The following AHRR variants were observed in gnomAD, a reference collection of about 807,000 sequenced individuals.
AHRR encodes ahR repressor.
Under a neutral mutation model 44.0 loss-of-function variants are expected in AHRR, and 28 were observed. The observed-to-expected ratio is 0.64, with a 90% CI of 0.47 to 0.87. The LOEUF (loss-of-function observed/expected upper bound fraction) is 0.87. AHRR is among the 40% of genes least tolerant of loss of function. The probability of loss-of-function intolerance (pLI) is 0.00; values close to 1 mark genes in which losing one functional copy is unlikely to be tolerated. For missense variants in AHRR, 990 were observed against 953.9 expected (o/e 1.04, Z -0.50); for synonymous variants, 434 against 407.0 (o/e 1.07, Z -0.80).
chr5:386,760 C>A (rs571705548), intron 4 of AHRR, among the ~76,000 whole-genome samples: 1 of 152,276 alleles, frequency 6.6e-6, no homozygotes, highest in South Asian at 2.1e-4. Context: ...CTAACCCAGA[C>A]GTCATCCCGG....
At position 338,212 on chromosome 5, in the gene AHRR, A is replaced by G. The variant is rs1437917508; in HGVS notation, c.-10-5681A>G. Among the ~76,000 whole-genome samples, 1 of 152,206 alleles carries G rather than the reference A, an allele frequency of 6.6e-6. No homozygotes were observed. The highest frequency in any genetic ancestry group is 1.5e-5 in the Non-Finnish European group (1 of 68,040). Reference sequence around the variant, plus strand: ...AAAGATATCTAAGCAATAAGAACAAATTATGCATATTTCACCCTCTAGTAG... The same window carrying G: ...AAAGATATCTAAGCAATAAGAACAAGTTATGCATATTTCACCCTCTAGTAG... On this transcript the variant is annotated intron_variant, in intron 1 of 10. Transcript: ENST00000684583. This position sits in a 1 kb window ranked among gnomAD's most constrained non-coding sequence, Gnocchi z 4.1.
At chr5:325,938 A>G (rs1290096673) in intron 1 of AHRR, among the ~76,000 whole-genome samples, 2 of 151,932 alleles carry the variant, frequency 1.3e-5, no homozygotes, top group Non-Finnish European at 2.9e-5. Flanking sequence ...ACCAGCCACC[A>G]CGCCTGGCTA....
intron 7 of AHRR, chr5:427,587 G>A (rs1337832467): frequency 6.2e-7 from 1 of 1,606,000 alleles, no homozygotes; most frequent in Non-Finnish European, 8.5e-7. Context: ...GAGAAACTGG[G>A]AGTGGGGGAT....
intron 5 of AHRR, among the ~76,000 whole-genome samples, chr5:421,988 G>A (rs1202710066): frequency 2.0e-5 from 3 of 152,220 alleles, no homozygotes; most frequent in East Asian, 1.9e-4. Flanking sequence ...TCCCTGGCAC[G>A]GTTAATTATT....
intron 3 of AHRR, among the ~76,000 whole-genome samples, chr5:374,971 G>A (rs1248360807): frequency 1.3e-5 from 2 of 152,220 alleles, no homozygotes; most frequent in East Asian, 3.8e-4. Context: ...GTGGGTCTGG[G>A]GGCTGCCGGC....
At position 434,217 on chromosome 5, in the gene AHRR, C is replaced by G; in HGVS notation, c.1477C>G (p.Pro493Ala). 6.3e-7 allele frequency: 1 copy of G among 1,589,802 alleles called. No homozygotes were observed. The highest frequency in any genetic ancestry group is 8.6e-7 in the Non-Finnish European group (1 of 1,168,010). ...FPQRSLQHQL[P>A]QPGAQRFATR... ...CCAGAGGAGCCTGCAGCACCAGCTCCCTCAGCCTGGAGCTCAGCGTTTTGC... is the reference window on the plus strand; with the variant it reads ...CCAGAGGAGCCTGCAGCACCAGCTCGCTCAGCCTGGAGCTCAGCGTTTTGC... Residue 493 changes from proline (P) to alanine (A), a missense_variant, in exon 11 of 11, where the codon CCT becomes GCT. By Grantham distance (27) the Pro-to-Ala change is conservative. Transcript: ENST00000684583.
At position 434,933 on chromosome 5, in the gene AHRR, GAC is replaced by G. The variant is rs371698357; in HGVS notation, c.*104_*105del. On this transcript the variant is annotated 3_prime_UTR_variant, in exon 11 of 11. Coordinates refer to ENST00000684583, the MANE Select transcript of AHRR (RefSeq NM_001377236.1). Reference sequence around the variant, plus strand: ...CTGGTCAGGCCGGAGCCCGTCCTAAGACACACGCTTTGCAGAGCTGTGCATGC... The same window carrying G: ...CTGGTCAGGCCGGAGCCCGTCCTAAGACACGCTTTGCAGAGCTGTGCATGC... The G allele has an allele frequency of 1.5e-5, 21 of 1,442,616 alleles. No individual in the cohort carries two copies. The highest frequency in any genetic ancestry group is 1.7e-5 in the Non-Finnish European group (19 of 1,085,802). 89.4% of individuals were successfully genotyped at this position (1,442,616 alleles called of 1,614,324 possible).
chr5:367,916 G>C (rs572571901), intron 3 of AHRR: 2 of 702,450 alleles, frequency 2.8e-6, no homozygotes, highest in African/African-American at 3.5e-5. Flanking sequence ...GCCCTGAGAC[G>C]TACTCAGTTC....
At chr5:424,000 G>A (rs759693660) in intron 7 of AHRR, 23 bp downstream of exon 7, 3 of 1,588,088 alleles carry the variant, frequency 1.9e-6, no homozygotes, top group Admixed American at 3.4e-5. Context: ...GTCCCTGGCA[G>A]GGGGCTCCCG....
chr5:402,965 T>C (rs1735079649), intron 4 of AHRR, among the ~76,000 whole-genome samples: 1 of 150,818 alleles, frequency 6.6e-6, no homozygotes, highest in African/African-American at 2.4e-5. Context: ...GTGATCTCAC[T>C]CATATGTGGA....
chr5:384,988 A>T (rs1454528839), intron 4 of AHRR, among the ~76,000 whole-genome samples: 1 of 151,968 alleles, frequency 6.6e-6, no homozygotes, highest in African/African-American at 2.4e-5. Flanking sequence ...TACTAAAAAT[A>T]CAAAAATTAT....
intron 1 of AHRR, among the ~76,000 whole-genome samples, chr5:341,741 A>C (rs934307673): frequency 1.3e-5 from 2 of 151,382 alleles, no homozygotes; most frequent in Admixed American, 6.6e-5. Flanking sequence ...TATTATTTCC[A>C]TTCTTCTGTT....
chr5:413,700 C>T (rs1460732718), intron 5 of AHRR, among the ~76,000 whole-genome samples: 2 of 152,152 alleles, frequency 1.3e-5, no homozygotes, highest in Admixed American at 1.3e-4. Context: ...GCATGGTCTC[C>T]TCTGGCTCAG....
chr5:351,476 G>A (rs1018710084), intron 2 of AHRR, among the ~76,000 whole-genome samples: 2 of 152,172 alleles, frequency 1.3e-5, no homozygotes, highest in Admixed American at 6.5e-5. Context: ...TTGAAAACAC[G>A]AGGCTGTGAG....
chr5:397,717 ACGTAGCTCCTGACCG>A, intron 4 of AHRR, among the ~76,000 whole-genome samples: 2 of 128,176 alleles, frequency 1.6e-5, no homozygotes, highest in Non-Finnish European at 3.2e-5. Context: ...CTGACCGTCC[ACGTAGCTCCTGACCG>A]TCCACGTAGC....
In AHRR at chr5:343,880, C is replaced by A; in HGVS notation, c.-10-13C>A. Reference sequence around the variant, plus strand: ...GGCGCGTTCCGGTGACCGGGTGCCCCCTTGTCTTCCAGGCCGAGGACGATG... The same window carrying A: ...GGCGCGTTCCGGTGACCGGGTGCCCACTTGTCTTCCAGGCCGAGGACGATG... On this transcript the variant is annotated splice_polypyrimidine_tract_variant and intron_variant, in intron 1 of 10. Coordinates refer to ENST00000684583, the MANE Select transcript of AHRR (RefSeq NM_001377236.1). 1 of 1,594,946 alleles carries A rather than the reference C, an allele frequency of 6.3e-7. No individual in the cohort carries two copies. Among genetic ancestry groups the A allele is most frequent in the Non-Finnish European group, 8.5e-7 (1 of 1,172,224 alleles).
rs890395663 is a variant in AHRR at position 406,795 on chromosome 5, G to A, written c.352-6549G>A. On this transcript the variant is annotated intron_variant, in intron 4 of 10. Transcript: ENST00000684583. This position sits in a 1 kb window ranked among gnomAD's most constrained non-coding sequence, Gnocchi z 4.7. Reference sequence around the variant, plus strand: ...TGCAGTCACGGTGATCCAGGAGTAAGGTGAGACCCCGACATTGGGAAATAC... The same window carrying A: ...TGCAGTCACGGTGATCCAGGAGTAAAGTGAGACCCCGACATTGGGAAATAC... Among the ~76,000 whole-genome samples, 2 of 152,180 alleles carry A rather than the reference G, an allele frequency of 1.3e-5. No individual in the cohort carries two copies. The highest frequency in any genetic ancestry group is 2.9e-5 in the Non-Finnish European group (2 of 68,046).
chr5:393,004 C>G (rs146287368), intron 4 of AHRR, among the ~76,000 whole-genome samples: 173 of 152,306 alleles, frequency 1.1e-3, no homozygotes, highest in African/African-American at 3.8e-3. Flanking sequence ...TCTTTAGGAG[C>G]TGATTTCTGT....
At chr5:425,315 T>C (rs575030426) in intron 7 of AHRR, among the ~76,000 whole-genome samples, 4 of 152,222 alleles carry the variant, frequency 2.6e-5, no homozygotes, top group Non-Finnish European at 5.9e-5. Context: ...CAATAAAGTT[T>C]TATTTATTTA....
Sources: allele counts gnomAD v4.1 joint callset (sites outside exome capture counted in the v4.1 genomes callset), GRCh38; gene constraint gnomAD v4.1.1; non-coding constraint Gnocchi (gnomAD v3.1); transcripts MANE v1.5; gene names NCBI Gene and HGNC (gene_info 2026-07-23, HGNC 2026-07-21).